The following NEK7 variants were observed in gnomAD, a reference collection of about 807,000 sequenced individuals.
NEK7 encodes the protein NIMA related kinase 7, also known as serine/threonine-protein kinase Nek7.
NEK7 carries 18 observed loss-of-function variants against 44.6 expected under a neutral mutation model. The ratio of observed to expected loss-of-function variants is 0.40; its 90% CI spans 0.28 to 0.60. The LOEUF is 0.60. NEK7 is among the 20% of genes least tolerant of loss of function. The pLI, the probability that NEK7 is intolerant of heterozygous loss-of-function variation, is 0.38. For missense variants in NEK7, 256 were observed against 366.5 expected, an observed-to-expected ratio of 0.70 and a Z score of 2.46; for synonymous variants, 130 against 121.1, an observed-to-expected ratio of 1.07 and a Z score of -0.48.
chr1:198,314,786 C>G (rs1372635550), intron 9 of NEK7, among the ~76,000 whole-genome samples: 1 of 152,190 alleles, frequency 6.6e-6, no homozygotes, highest in Non-Finnish European at 1.5e-5. Context: ...GGCAGTCTGC[C>G]CGTTCTCAGA....
At chr1:198,295,176 T>C (rs1186331909) in intron 8 of NEK7, among the ~76,000 whole-genome samples, 2 of 152,122 alleles carry the variant, frequency 1.3e-5, no homozygotes, top group East Asian at 3.8e-4. Flanking sequence ...GTGCTTTTGC[T>C]ACACGGACCT....
chr1:198,212,992 C>T (rs993545446), intron 1 of NEK7, among the ~76,000 whole-genome samples: 2 of 152,230 alleles, frequency 1.3e-5, no homozygotes, highest in East Asian at 1.9e-4. Flanking sequence ...AGCCAACACA[C>T]TAAGGCTCTT....
intron 1 of NEK7, among the ~76,000 whole-genome samples, chr1:198,228,332 G>A (rs1358074899): frequency 2.0e-5 from 3 of 152,172 alleles, no homozygotes; most frequent in Non-Finnish European, 4.4e-5. Context: ...TTTGGCTCAG[G>A]ACTGACTTGG....
At chr1:198,211,886 T>C (rs1665783536) in intron 1 of NEK7, among the ~76,000 whole-genome samples, 1 of 152,094 alleles carries the variant, frequency 6.6e-6, no homozygotes, top group African/African-American at 2.4e-5. Context: ...CAGTGGACAG[T>C]AGCACCATGA....
At chr1:198,195,465 T>A (rs1375308527) in intron 1 of NEK7, among the ~76,000 whole-genome samples, 2 of 152,206 alleles carry the variant, frequency 1.3e-5, no homozygotes, top group Non-Finnish European at 2.9e-5. Context: ...TTGAACTGTT[T>A]AATATAAATA....
chr1:198,289,377 A>C, intron 7 of NEK7, among the ~76,000 whole-genome samples: 1 of 151,550 alleles, frequency 6.6e-6, no homozygotes, highest in East Asian at 1.9e-4. Context: ...TTTTTTTTCC[A>C]TTTTGTTTTC....
intron 1 of NEK7, among the ~76,000 whole-genome samples, chr1:198,217,192 A>G (rs1023352578): frequency 2.0e-5 from 3 of 152,124 alleles, no homozygotes; most frequent in African/African-American, 7.2e-5. Context: ...CACAGATGCA[A>G]AAATCCTCAA....
chr1:198,250,133 G>C (rs1438073768), intron 2 of NEK7, among the ~76,000 whole-genome samples: 1 of 150,458 alleles, frequency 6.6e-6, no homozygotes, highest in Non-Finnish European at 1.5e-5. Flanking sequence ...TTATTAAATA[G>C]GGAATGCTTT....
At chr1:198,235,195 G>T (rs1409214544) in intron 2 of NEK7, among the ~76,000 whole-genome samples, 1 of 152,126 alleles carries the variant, frequency 6.6e-6, no homozygotes, top group African/African-American at 2.4e-5. Flanking sequence ...GATGTATATT[G>T]TTGGCATATC....
intron 1 of NEK7, among the ~76,000 whole-genome samples, chr1:198,203,802 C>A (rs1278503686): frequency 4.6e-5 from 7 of 152,168 alleles, no homozygotes; most frequent in Admixed American, 2.0e-4. Context: ...TTGGTTTGAC[C>A]TGTGGCCTAG....
intron 2 of NEK7, among the ~76,000 whole-genome samples, chr1:198,252,567 T>TATAA (rs1307124157): frequency 2.0e-4 from 10 of 50,990 alleles, no homozygotes; most frequent in Admixed American, 2.9e-4. Context: ...TATATATATA[T>TATAA]AAAAAGTACA....
At chr1:198,221,722 G>A (rs1348606998) in intron 1 of NEK7, among the ~76,000 whole-genome samples, 1 of 151,760 alleles carries the variant, frequency 6.6e-6, no homozygotes, top group Non-Finnish European at 1.5e-5. Context: ...TTTTAGCTAA[G>A]GTAAATATGT....
At chr1:198,210,315 G>GC (rs1455186842) in intron 1 of NEK7, among the ~76,000 whole-genome samples, 1 of 152,054 alleles carries the variant, frequency 6.6e-6, no homozygotes, top group Non-Finnish European at 1.5e-5. Context: ...TGAACTCCTG[G>GC]CCCCCCAAGT....
At chr1:198,268,942 A>G (rs1653748368) in intron 5 of NEK7, among the ~76,000 whole-genome samples, 1 of 152,038 alleles carries the variant, frequency 6.6e-6, no homozygotes, top group African/African-American at 2.4e-5. Context: ...TTCTGCTGGT[A>G]CTTCAGTTCT....
intron 1 of NEK7, among the ~76,000 whole-genome samples, chr1:198,193,760 A>G (rs1054522076): frequency 1.1e-4 from 16 of 152,204 alleles, no homozygotes; most frequent in African/African-American, 3.9e-4. Context: ...TTCATGTTAA[A>G]AACTCTCAAT....
chr1:198,295,382 G>A (rs1454478252), intron 8 of NEK7, among the ~76,000 whole-genome samples: 2 of 152,084 alleles, frequency 1.3e-5, no homozygotes, highest in African/African-American at 4.8e-5. Context: ...GGAGGTCAGG[G>A]AGTAAGTCAA....
chr1:198,198,431 G>T (rs1184183117), intron 1 of NEK7, among the ~76,000 whole-genome samples: 1 of 152,144 alleles, frequency 6.6e-6, no homozygotes, highest in Non-Finnish European at 1.5e-5. Flanking sequence ...CGCCTGTATT[G>T]TCTTCAGGTG....
At chr1:198,187,549 A>G (rs1015623886) in intron 1 of NEK7, among the ~76,000 whole-genome samples, 14 of 152,158 alleles carry the variant, frequency 9.2e-5, no homozygotes, top group African/African-American at 2.7e-4. Flanking sequence ...CTGGTACCCA[A>G]GGGATTGAGA....
chr1:198,315,632 G>T (rs1204160755), intron 9 of NEK7, among the ~76,000 whole-genome samples: 1 of 152,128 alleles, frequency 6.6e-6, no homozygotes, highest in Non-Finnish European at 1.5e-5. Flanking sequence ...AGATGGTGTG[G>T]CAGGAGCAAA....
Sources: allele counts gnomAD v4.1 joint callset (sites outside exome capture counted in the v4.1 genomes callset), GRCh38; gene constraint gnomAD v4.1.1; transcripts MANE v1.5; gene names NCBI Gene and HGNC (gene_info 2026-07-23, HGNC 2026-07-21).